Variants in NLRP2 observed in about 807,000 individuals in gnomAD.
The protein encoded by NLRP2 is NLR family pyrin domain containing 2, also known as NACHT, LRR and PYD domains-containing protein 2.
Under a neutral mutation model 97.2 loss-of-function variants are expected in NLRP2, and 107 were observed. The observed-to-expected ratio is 1.10, with a 90% CI of 0.94 to 1.29. NLRP2 has a LOEUF of 1.29. Ranked by LOEUF, NLRP2 falls within the 50% of genes most tolerant of loss-of-function variation. The pLI, the probability that NLRP2 is intolerant of heterozygous loss-of-function variation, is 0.00. For missense variants in NLRP2, 1,495 were observed against 1,330.3 expected, an observed-to-expected ratio of 1.12 and a Z score of -1.93; for synonymous variants, 663 against 551.5, an observed-to-expected ratio of 1.20 and a Z score of -2.83.
At chr19:54,997,016 T>C (rs2072865109) in intron 11 of NLRP2, among the ~76,000 whole-genome samples, 1 of 152,134 alleles carries the variant, frequency 6.6e-6, no homozygotes. Context: ...CAAGCGATTC[T>C]CCTGCCCCAG....
chr19:54,981,725 C>G, intron 5 of NLRP2, 43 bp downstream of exon 5: 1 of 1,102,348 alleles, frequency 9.1e-7, no homozygotes, highest in Non-Finnish European at 1.4e-6. Context: ...GATCAGATTT[C>G]TCTTTATAAA....
rs776957163 is a variant in NLRP2 at position 54,982,246 on chromosome 19, A to G, written c.548A>G (p.Gln183Arg). 1.2e-6 allele frequency: 2 copies of G among 1,614,160 alleles called. No homozygotes were observed. The highest frequency in any genetic ancestry group is 3.3e-5 in the Admixed American group (2 of 60,008). The stretch of plus-strand genomic sequence containing the variant: ...TGGCCTGGAGATAGCAAAGAGGTCC[A>G]GGTTATGGCTGAGAGATACAAGATG... Reference protein sequence around the residue: ...KSWPGDSKEVQVMAERYKMLI... With the variant: ...KSWPGDSKEVRVMAERYKMLI... Residue 183 changes from glutamine to arginine, a missense_variant, in exon 6 of 13, where the codon CAG (glutamine) becomes CGG (arginine). Transcript: ENST00000448584.
chr19:54,973,266 A>C (rs2070984734), intron 2 of NLRP2, among the ~76,000 whole-genome samples: 1 of 147,230 alleles, frequency 6.8e-6, no homozygotes, highest in South Asian at 2.1e-4. Context: ...CTATCTTTTT[A>C]TTTAAAAATT....
In NLRP2 at chr19:54,977,785, T is replaced by C; in HGVS notation, c.359T>C (p.Val120Ala). The change falls in exon 4 of 13, where the codon GTG becomes GCG. Residue 120 changes from valine (V) to alanine (A), a missense_variant. Val to Ala is a moderately conservative substitution (Grantham distance 64). Transcript: ENST00000448584. ...CGGAAAGAACGACCACCTCTAGACG[T>C]GGACGAAATGCTGGAGCGCTTCAAA... ...ITRKERPPLD[V>A]DEMLERFKTE... The C allele has an allele frequency of 6.2e-7, 1 of 1,613,796 alleles. No homozygotes were observed. Among genetic ancestry groups the C allele is most frequent in the South Asian group, 1.1e-5 (1 of 91,066 alleles).
chr19:54,986,140 C>T lies in NLRP2; in HGVS notation c.2202-11C>T. The T allele has an allele frequency of 1.9e-6, 3 of 1,607,040 alleles. No individual in the cohort carries two copies. In the South Asian group the frequency reaches 3.3e-5, roughly 18 times the overall value. ...ACACTAAAGATTTCACTTTCGTTCT[C>T]TTTTCCCTAGGTTCAAAAACATTTC... On this transcript the variant is annotated splice_polypyrimidine_tract_variant and intron_variant, in intron 7 of 12. Coordinates refer to ENST00000448584, the MANE Select transcript of NLRP2 (RefSeq NM_017852.5).
intron 2 of NLRP2, among the ~76,000 whole-genome samples, chr19:54,971,844 C>G (rs1001887732): frequency 6.9e-6 from 1 of 145,932 alleles, no homozygotes; most frequent in Non-Finnish European, 1.6e-5. Flanking sequence ...TTTAACTCTT[C>G]TTGAGAGAGG....
Position 54,987,090 on chromosome 19 carries a change from G to A in NLRP2, c.2366+775G>A, listed in dbSNP as rs559601408. Among the ~76,000 whole-genome samples, 8 of 148,666 alleles carry A rather than the reference G, an allele frequency of 5.4e-5. No individual in the cohort carries two copies. The East Asian group carries it at 1.4e-3, about 27-fold the overall frequency. ...AGTAGAGATGGAGTTTTACCACATT[G>A]GCCAGGCTGGTCTCGAACTCATGAC... On this transcript the variant is annotated intron_variant, in intron 8 of 12. Transcript: ENST00000448584.
At position 55,000,975 on chromosome 19, in the gene NLRP2, C is replaced by A; in HGVS notation, c.*77C>A. Reference sequence around the variant, plus strand: ...GTGAACTGCCTGTGACTCCTCTCCTCCCCGGCCCCTACCCCTCAGGGATAA... The same window carrying A: ...GTGAACTGCCTGTGACTCCTCTCCTACCCGGCCCCTACCCCTCAGGGATAA... On this transcript the variant is annotated 3_prime_UTR_variant, in exon 13 of 13. Coordinates refer to ENST00000448584, the MANE Select transcript of NLRP2 (RefSeq NM_017852.5). The A allele has an allele frequency of 1.5e-6, 2 of 1,350,530 alleles. No individual in the cohort carries two copies. Among genetic ancestry groups the A allele is most frequent in the Admixed American group, 1.7e-5 (1 of 59,472 alleles). 83.7% of individuals were successfully genotyped at this position (1,350,530 alleles called of 1,614,324 possible). A position where few individuals can be genotyped will look rare whatever the true frequency, so the allele number is the denominator to read the frequency against.
Position 54,986,207 on chromosome 19 carries a change from G to A in NLRP2, c.2258G>A (p.Gly753Asp), listed in dbSNP as rs1228519362. ...CGGAACCTCTGCCTAGCTCTTCGAG[G>A]TCACAAGACTGTAACGTATCTGACC... ...AHRNLCLALR[G>D]HKTVTYLTLQ... The change falls in exon 8 of 13, where the codon GGT (glycine) becomes GAT (aspartate). Residue 753 changes from glycine (G) to aspartate (D), a missense_variant. Coordinates refer to ENST00000448584, the MANE Select transcript of NLRP2 (RefSeq NM_017852.5). 1.2e-6 allele frequency: 2 copies of A among 1,613,502 alleles called. No individual in the cohort carries two copies. Among genetic ancestry groups the A allele is most frequent in the Non-Finnish European group, 1.7e-6 (2 of 1,179,446 alleles).
chr19:54,970,428 AC>A, intron 2 of NLRP2, 133 bp downstream of exon 2: 1 of 993,486 alleles, frequency 1.0e-6, no homozygotes, highest in Non-Finnish European at 1.6e-6. Flanking sequence ...AGGCGGTTGG[AC>A]CACCTGAGGG....
chr19:54,967,880 G>A (rs1186259683), intron 1 of NLRP2, among the ~76,000 whole-genome samples: 2 of 148,952 alleles, frequency 1.3e-5, no homozygotes, highest in African/African-American at 4.9e-5. Flanking sequence ...ATAAAGAGGT[G>A]TTATACCCTT....
chr19:54,980,223 C>G (rs1170723575), intron 4 of NLRP2, among the ~76,000 whole-genome samples: 1 of 150,008 alleles, frequency 6.7e-6, no homozygotes, highest in Non-Finnish European at 1.5e-5. Flanking sequence ...TTTTTTGAGA[C>G]AGTCTTGCTC....
chr19:54,984,337 T>TTTA (rs1568505392), intron 6 of NLRP2, among the ~76,000 whole-genome samples: 10 of 115,416 alleles, frequency 8.7e-5, no homozygotes, highest in Non-Finnish European at 1.7e-4. Context: ...GTGTTTTTTT[T>TTTA]TTTTTTTTTT....
chr19:55,000,168 A>ACAGG (rs2073094814), intron 12 of NLRP2, among the ~76,000 whole-genome samples: 1 of 147,822 alleles, frequency 6.8e-6, no homozygotes, highest in Non-Finnish European at 1.5e-5. Context: ...AGTCCCAGCT[A>ACAGG]CTCGGGAGGC....
In NLRP2 at chr19:54,997,415, C is replaced by T; in HGVS notation, c.2978C>T (p.Pro993Leu). 6.2e-7 allele frequency: 1 copy of T among 1,614,180 alleles called. No individual in the cohort carries two copies. Among genetic ancestry groups the T allele is most frequent in the Non-Finnish European group, 8.5e-7 (1 of 1,180,032 alleles). ...SLVTLDLGQN[P>L]LGSSGVKMLF... ...GTCACTCTGGACCTGGGTCAGAATC[C>T]CTTGGGGTCTAGTGGAGTGAAGATG... Residue 993 changes from proline to leucine, a missense_variant, in exon 12 of 13, where the codon CCC (proline) becomes CTC (leucine). Transcript: ENST00000448584.
chr19:54,980,394 C>T (rs1165942322), intron 4 of NLRP2, among the ~76,000 whole-genome samples: 3 of 151,902 alleles, frequency 2.0e-5, no homozygotes, highest in Non-Finnish European at 4.4e-5. Context: ...CAGGGTTTCA[C>T]CGTGTTAGCC....
chr19:54,983,601 G>GT lies in NLRP2; in HGVS notation c.1904dup (p.Asp636ArgfsTer35), dbSNP rs753418327. On this transcript the variant is annotated frameshift_variant, in exon 6 of 13. Transcript: ENST00000448584. LOFTEE classifies it high-confidence loss of function. The stretch of plus-strand genomic sequence containing the variant: ...AGAAATATCCCTGCACTTAAATGCA[G>GT]TAGACGTTGTGCCATCTTCATTCTG... The GT allele has an allele frequency of 6.2e-7, 1 of 1,614,188 alleles. No homozygotes were observed. Among genetic ancestry groups the GT allele is most frequent in the Non-Finnish European group, 8.5e-7 (1 of 1,180,030 alleles).
In NLRP2 at chr19:54,983,742, C is replaced by T. The variant is rs748953572; in HGVS notation, c.2030+14C>T. On this transcript the variant is annotated intron_variant, in intron 6 of 12. Transcript: ENST00000448584. The stretch of plus-strand genomic sequence containing the variant: ...CGAGGTTGAGAGGTGAGAACCGTTT[C>T]ACTCTACCAGTCGTTCCATCTTTAG... The T allele has an allele frequency of 1.2e-6, 2 of 1,607,034 alleles. No homozygotes were observed. The highest frequency in any genetic ancestry group is 1.7e-5 in the Admixed American group (1 of 60,014).
chr19:54,967,884 T>C (rs959824471), intron 1 of NLRP2, among the ~76,000 whole-genome samples: 2 of 151,916 alleles, frequency 1.3e-5, no homozygotes, highest in Non-Finnish European at 2.9e-5. Context: ...AGAGGTGTTA[T>C]ACCCTTTCTG....
Sources: allele counts gnomAD v4.1 joint callset (sites outside exome capture counted in the v4.1 genomes callset), GRCh38; gene constraint gnomAD v4.1.1; transcripts MANE v1.5; gene names NCBI Gene and HGNC (gene_info 2026-07-23, HGNC 2026-07-21).